Variants in ZNF135 observed in about 807,000 individuals in gnomAD.
The protein encoded by ZNF135 is zinc finger protein 135, also known as zinc finger protein 135 (clone pHZ-17).
Under a neutral mutation model 12.3 loss-of-function variants are expected in ZNF135, and 11 were observed. The observed-to-expected ratio is 0.89, with a 90% CI of 0.56 to 1.48. ZNF135 has a LOEUF of 1.48. ZNF135 is among the 40% of genes most tolerant of loss of function. The pLI is 0.00. For synonymous variants in ZNF135, 316 were observed against 312.0 expected, an observed-to-expected ratio of 1.01 and a Z score of -0.14; for missense variants, 722 against 815.7, an observed-to-expected ratio of 0.89 and a Z score of 1.40.
chr19:58,062,678 A>C (rs1051566770), intron 3 of ZNF135, among the ~76,000 whole-genome samples: 1 of 151,962 alleles, frequency 6.6e-6, no homozygotes, highest in Non-Finnish European at 1.5e-5. Flanking sequence ...GGCGTGAGCC[A>C]CTGCGTCCGG....
rs1355320245 is a variant in ZNF135 at position 58,059,564 on chromosome 19, G to C, written c.-35+254G>C. 6.6e-6 allele frequency among the ~76,000 whole-genome samples: 1 copy of C among 152,058 alleles called. No homozygotes were observed. The highest frequency in any genetic ancestry group is 1.5e-5 in the Non-Finnish European group (1 of 67,974). On this transcript the variant is annotated intron_variant, in intron 1 of 4. Coordinates refer to ENST00000313434, the MANE Select transcript of ZNF135 (RefSeq NM_001289401.2). This position sits in a 1 kb window ranked among gnomAD's most constrained non-coding sequence, Gnocchi z 6.5. ...CCAGCTGGACAGGAGCTGCTCCGAC[G>C]GCCCCTGAGGGAACGCGCGCCCCGC... is the stretch of plus-strand genomic sequence containing the variant.
At position 58,060,146 on chromosome 19, in the gene ZNF135, GCCT is replaced by G. The variant is rs2073946870; in HGVS notation, c.33+118_33+120del. Reference sequence around the variant, plus strand: ...TGCACCCCGTCCCTACTCGCGCTCAGCCTCCTCCTTGTGCCCGGCCCCTACTTG... The same window carrying G: ...TGCACCCCGTCCCTACTCGCGCTCAGCCTCCTTGTGCCCGGCCCCTACTTG... On this transcript the variant is annotated intron_variant, in intron 2 of 4. Transcript: ENST00000313434. This position sits in a 1 kb window ranked among gnomAD's most constrained non-coding sequence, Gnocchi z 4.9. 5 of 1,577,246 alleles carry G rather than the reference GCCT, an allele frequency of 3.2e-6. No homozygotes were observed. In the Admixed American group the frequency reaches 5.3e-5, roughly 17 times the overall value.
Position 58,059,834 on chromosome 19 carries a change from G to A in ZNF135, c.-34-135G>A. The A allele has an allele frequency of 9.4e-7, 1 of 1,065,244 alleles. No homozygotes were observed. The highest frequency in any genetic ancestry group is 1.3e-6 in the Non-Finnish European group (1 of 755,692). 66.0% of individuals were successfully genotyped at this position (1,065,244 alleles called of 1,614,324 possible). ...CGAGCGGAGGGCCGCCCCACACACA[G>A]CAGGCGCTTAAACGGGTACGCGGGG... is the stretch of plus-strand genomic sequence containing the variant. On this transcript the variant is annotated intron_variant, in intron 1 of 4. Coordinates refer to ENST00000313434, the MANE Select transcript of ZNF135 (RefSeq NM_001289401.2). The surrounding 1 kb of genome is among the most constrained non-coding windows in gnomAD (Gnocchi z 6.5).
At position 58,065,504 on chromosome 19, in the gene ZNF135, G is replaced by A. The variant is rs1028164784; in HGVS notation, c.257-1237G>A. Among the ~76,000 whole-genome samples the A allele has an allele frequency of 3.9e-5, 6 of 152,150 alleles. No individual in the cohort carries two copies. The highest frequency in any genetic ancestry group is 2.1e-4 in the South Asian group (1 of 4,834). ...AGGCCCTGTGCCTGGCTAAGAATCC[G>A]TTTCTTTGCATTTTTCAGCTTCTAG... On this transcript the variant is annotated intron_variant, in intron 4 of 4. Transcript: ENST00000313434. This position sits in a 1 kb window ranked among gnomAD's most constrained non-coding sequence, Gnocchi z 4.0.
At position 58,059,346 on chromosome 19, in the gene ZNF135, AGGCCG is replaced by A. The variant is rs71188069; in HGVS notation, c.-35+54_-35+58del. ...CCGGCGAGGAGGGGGAGGGGAGGCC[AGGCCG>A]GGCCGGGCCGGGCCGGGTGCGGGGG... On this transcript the variant is annotated intron_variant, in intron 1 of 4. Transcript: ENST00000313434. The surrounding 1 kb of genome is among the most constrained non-coding windows in gnomAD (Gnocchi z 6.5). 113 of 745,254 alleles carry A rather than the reference AGGCCG, an allele frequency of 1.5e-4. No homozygotes were observed. Among genetic ancestry groups the A allele is most frequent in the Middle Eastern group, 4.6e-4 (1 of 2,184 alleles). 46.2% of individuals were successfully genotyped at this position (745,254 alleles called of 1,614,324 possible). A position where few individuals can be genotyped will look rare whatever the true frequency, so the allele number is the denominator to read the frequency against.
rs2073944516 is a variant in ZNF135, at chr19:58,060,091, G to A, written c.33+56G>A. 1 of 1,609,098 alleles carries A rather than the reference G, an allele frequency of 6.2e-7. No individual in the cohort carries two copies. The highest frequency in any genetic ancestry group is 8.5e-7 in the Non-Finnish European group (1 of 1,179,468). On this transcript the variant is annotated intron_variant, in intron 2 of 4. Transcript: ENST00000313434. This position sits in a 1 kb window ranked among gnomAD's most constrained non-coding sequence, Gnocchi z 4.9. ...TCCACCTCGTGCCCGGCCTCCTCGC[G>A]CGCGGCCTTCTCACGCCCGGCCTCC...
rs2073965989 is a variant in ZNF135, at chr19:58,060,874, C to G, written c.34-706C>G. 6.6e-6 allele frequency among the ~76,000 whole-genome samples: 1 copy of G among 152,190 alleles called. No homozygotes were observed. The highest frequency in any genetic ancestry group is 6.5e-5 in the Admixed American group (1 of 15,296). The stretch of plus-strand genomic sequence containing the variant: ...GGGCGCGGTGGCTCGCACCTGTAAT[C>G]CCAGCACTTTGGGAGGCCGAGGTGG... On this transcript the variant is annotated intron_variant, in intron 2 of 4. Coordinates refer to ENST00000313434, the MANE Select transcript of ZNF135 (RefSeq NM_001289401.2). This position sits in a 1 kb window ranked among gnomAD's most constrained non-coding sequence, Gnocchi z 4.9.
rs1422585106 is a variant in ZNF135 at position 58,060,573 on chromosome 19, C to T, written c.33+538C>T. ...GCGCATCGAGTGCCGCTTCCTCAGA[C>T]GTCATGGAGGCCAAGGGGGCGGAAC... On this transcript the variant is annotated intron_variant, in intron 2 of 4. Coordinates refer to ENST00000313434, the MANE Select transcript of ZNF135 (RefSeq NM_001289401.2). This position sits in a 1 kb window ranked among gnomAD's most constrained non-coding sequence, Gnocchi z 4.9. Among the ~76,000 whole-genome samples, 1 of 152,156 alleles carries T rather than the reference C, an allele frequency of 6.6e-6. No individual in the cohort carries two copies. Among genetic ancestry groups the T allele is most frequent in the Non-Finnish European group, 1.5e-5 (1 of 68,038 alleles).
chr19:58,059,319 G>C lies in ZNF135; in HGVS notation c.-35+9G>C. 1.9e-6 allele frequency: 3 copies of C among 1,555,522 alleles called. No homozygotes were observed. The highest frequency in any genetic ancestry group is 2.8e-5 in the African/African-American group (2 of 70,528). ...GTCTCGCAGTCAGGAGGGTGAGCTA[G>C]GCCGGCGAGGAGGGGGAGGGGAGGC... On this transcript the variant is annotated intron_variant, in intron 1 of 4. Coordinates refer to ENST00000313434, the MANE Select transcript of ZNF135 (RefSeq NM_001289401.2). This position sits in a 1 kb window ranked among gnomAD's most constrained non-coding sequence, Gnocchi z 6.5.
rs2074051034 is a variant in ZNF135 at position 58,065,511 on chromosome 19, T to C, written c.257-1230T>C. The stretch of plus-strand genomic sequence containing the variant: ...GTGCCTGGCTAAGAATCCGTTTCTT[T>C]GCATTTTTCAGCTTCTAGAGGCACC... On this transcript the variant is annotated intron_variant, in intron 4 of 4. Coordinates refer to ENST00000313434, the MANE Select transcript of ZNF135 (RefSeq NM_001289401.2). The surrounding 1 kb of genome is among the most constrained non-coding windows in gnomAD (Gnocchi z 4.0). 6.6e-6 allele frequency among the ~76,000 whole-genome samples: 1 copy of C among 152,210 alleles called. No homozygotes were observed. Among genetic ancestry groups the C allele is most frequent in the African/African-American group, 2.4e-5 (1 of 41,450 alleles).
In ZNF135 at chr19:58,067,774, G is replaced by A; in HGVS notation, c.1290G>A (p.Arg430=). 3 of 1,613,236 alleles carry A rather than the reference G, an allele frequency of 1.9e-6. No homozygotes were observed. In the South Asian group the frequency reaches 3.3e-5, roughly 18 times the overall value. ...SQSTLLTEHR[R]IHTGEKPYGC... ...GCACACTCCTGACCGAGCATCGGAG[G>A]ATTCACACAGGAGAGAAGCCCTATG... The change falls in exon 5 of 5, where the codon AGG becomes AGA. Residue 430 remains arginine, a synonymous_variant. Coordinates refer to ENST00000313434, the MANE Select transcript of ZNF135 (RefSeq NM_001289401.2).
chr19:58,067,266 A>G lies in ZNF135; in HGVS notation c.782A>G (p.Gln261Arg). The G allele has an allele frequency of 6.2e-7, 1 of 1,614,220 alleles. No individual in the cohort carries two copies. The highest frequency in any genetic ancestry group is 8.5e-7 in the Non-Finnish European group (1 of 1,180,040). ...FRNSSALTKH[Q>R]RIHTGEKPYK... is the part of the protein sequence containing the mutation. ...AACAGCTCGGCACTTACCAAACACC[A>G]GAGAATCCATACTGGGGAGAAACCC... Residue 261 changes from glutamine (Q) to arginine (R), a missense_variant, in exon 5 of 5, where the codon CAG (glutamine) becomes CGG (arginine). Physicochemically the swap from Gln to Arg is conservative, Grantham distance 43 (BLOSUM62 1). Transcript: ENST00000313434.
chr19:58,069,643 T>G lies in ZNF135; in HGVS notation c.*1182T>G, dbSNP rs1011684878. 2.0e-5 allele frequency: 3 copies of G among 150,828 alleles called. No individual in the cohort carries two copies. Among genetic ancestry groups the G allele is most frequent in the African/African-American group, 4.9e-5 (2 of 40,892 alleles). The allele number at this position is 150,828 out of a possible 1,614,324, so 9.3% of individuals were successfully genotyped here. On this transcript the variant is annotated 3_prime_UTR_variant, in exon 5 of 5. Transcript: ENST00000313434. The stretch of plus-strand genomic sequence containing the variant: ...ATCCCAGCACTTTGGGAGGCCAAGG[T>G]GGGAGGATCACCTGAGGTCGGGAGA...
In ZNF135 at chr19:58,068,600, C is replaced by G; in HGVS notation, c.*139C>G. ...ACACAGCACTCCCCTCAGACACCCT[C>G]AGAGAGTTCACACTGATGGGAAATG... On this transcript the variant is annotated 3_prime_UTR_variant, in exon 5 of 5. Coordinates refer to ENST00000313434, the MANE Select transcript of ZNF135 (RefSeq NM_001289401.2). 1 of 929,768 alleles carries G rather than the reference C, an allele frequency of 1.1e-6. No individual in the cohort carries two copies. 57.6% of individuals were successfully genotyped at this position (929,768 alleles called of 1,614,324 possible). A position where few individuals can be genotyped will look rare whatever the true frequency, so the allele number is the denominator to read the frequency against.
chr19:58,059,756 C>A lies in ZNF135; in HGVS notation c.-34-213C>A, dbSNP rs1267156254. 7 of 613,536 alleles carry A rather than the reference C, an allele frequency of 1.1e-5. No individual in the cohort carries two copies. The highest frequency in any genetic ancestry group is 2.0e-5 in the Non-Finnish European group (7 of 356,432). 38.0% of individuals were successfully genotyped at this position (613,536 alleles called of 1,614,324 possible). A position where few individuals can be genotyped will look rare whatever the true frequency, so the allele number is the denominator to read the frequency against. On this transcript the variant is annotated intron_variant, in intron 1 of 4. Transcript: ENST00000313434. The surrounding 1 kb of genome is among the most constrained non-coding windows in gnomAD (Gnocchi z 6.5). ...CGCAGCAGATATGTGTCCGCACCCGCCAGGCCTTCAGCTTCCCTCAGACAG... is the reference window on the plus strand; with the variant it reads ...CGCAGCAGATATGTGTCCGCACCCGACAGGCCTTCAGCTTCCCTCAGACAG...
In ZNF135 at chr19:58,066,944, A is replaced by T. The variant is rs1259541339; in HGVS notation, c.460A>T (p.Thr154Ser). 6.2e-7 allele frequency: 1 copy of T among 1,614,072 alleles called. No individual in the cohort carries two copies. The highest frequency in any genetic ancestry group is 8.5e-7 in the Non-Finnish European group (1 of 1,180,040). The change falls in exon 5 of 5, where the codon ACG becomes TCG. Residue 154 changes from threonine (T) to serine (S), a missense_variant. Physicochemically the swap from Thr to Ser is moderately conservative, Grantham distance 58 (BLOSUM62 1). Transcript: ENST00000313434. The part of the protein sequence containing the change: ...AVPVAFTPVK[T>S]PVLEQWQRNG... ...GCCGGTGGCCTTCACGCCTGTGAAG[A>T]CGCCTGTTCTGGAGCAGTGGCAGAG...
Position 58,059,882 on chromosome 19 carries a change from C to CTCCCCAGGCTCTGGCGCAGT in ZNF135, c.-34-81_-34-62dup. ...GGGCCCTGGACGGCTCTCCGCGGAG[C>CTCCCCAGGCTCTGGCGCAGT]TCCCCAGGCTCTGGCGCAGTTCCCC... On this transcript the variant is annotated intron_variant, in intron 1 of 4. Coordinates refer to ENST00000313434, the MANE Select transcript of ZNF135 (RefSeq NM_001289401.2). This position sits in a 1 kb window ranked among gnomAD's most constrained non-coding sequence, Gnocchi z 6.5. The CTCCCCAGGCTCTGGCGCAGT allele has an allele frequency of 6.6e-7, 1 of 1,513,262 alleles. No individual in the cohort carries two copies. The highest frequency in any genetic ancestry group is 9.0e-7 in the Non-Finnish European group (1 of 1,114,694). The allele number at this position is 1,513,262 out of a possible 1,614,324, so 93.7% of individuals were successfully genotyped here.
chr19:58,061,761 TC>T, intron 3 of ZNF135, 55 bp downstream of exon 3: 1 of 1,547,764 alleles, frequency 6.5e-7, no homozygotes, highest in Admixed American at 2.2e-5. Flanking sequence ...GGATTCTGAT[TC>T]TACCAGGTTA....
chr19:58,059,256 G>T (rs571772185), upstream of ZNF135: 1 of 1,583,004 alleles, frequency 6.3e-7, no homozygotes, highest in South Asian at 1.1e-5. This position sits in a 1 kb window ranked among gnomAD's most constrained non-coding sequence, Gnocchi z 6.5. Context: ...AGTTAGGCTC[G>T]CGCCGGCGCA....
Sources: allele counts gnomAD v4.1 joint callset (sites outside exome capture counted in the v4.1 genomes callset), GRCh38; gene constraint gnomAD v4.1.1; non-coding constraint Gnocchi (gnomAD v3.1); transcripts MANE v1.5; gene names NCBI Gene and HGNC (gene_info 2026-07-23, HGNC 2026-07-21).